Variants in PDZD2 observed in about 807,000 individuals in gnomAD.
PDZD2 encodes the protein PDZ domain containing 2.
Under a neutral mutation model 220.7 loss-of-function variants are expected in PDZD2, and 90 were observed. The ratio of observed to expected loss-of-function variants is 0.41; its 90% CI spans 0.34 to 0.49. PDZD2 has a LOEUF of 0.49. PDZD2 is among the 20% of genes least tolerant of loss of function. The pLI is 0.28. For missense variants in PDZD2, 3,174 were observed against 3,608.5 expected (o/e 0.88, Z 3.08); for synonymous variants, 1,375 against 1,450.5 (o/e 0.95, Z 1.18).
intron 1 of PDZD2, among the ~76,000 whole-genome samples, chr5:31,737,316 G>C (rs748978911): frequency 6.6e-6 from 1 of 151,786 alleles, no homozygotes; most frequent in Non-Finnish European, 1.5e-5. Flanking sequence ...GGGACTACAG[G>C]CGCCCACCAC....
intron 2 of PDZD2, among the ~76,000 whole-genome samples, chr5:31,946,892 T>C (rs972075774): frequency 5.3e-5 from 8 of 152,196 alleles, no homozygotes; most frequent in Non-Finnish European, 8.8e-5. Flanking sequence ...TGTAGAGACA[T>C]GGGTCTTAAC....
intron 2 of PDZD2, among the ~76,000 whole-genome samples, chr5:31,969,505 T>A (rs1355146406): frequency 1.1e-4 from 2 of 17,418 alleles, no homozygotes; most frequent in Non-Finnish European, 2.0e-4. Flanking sequence ...CAAGGCCCCC[T>A]CTCCAAAAAA....
intron 9 of PDZD2, among the ~76,000 whole-genome samples, chr5:32,053,316 A>G (rs1046842352): frequency 3.2e-4 from 49 of 152,260 alleles, no homozygotes; most frequent in African/African-American, 1.2e-3. Flanking sequence ...AGGAAATGAT[A>G]TGAATAACTT....
chr5:32,067,791 TAAC>T (rs1740346772), intron 14 of PDZD2, among the ~76,000 whole-genome samples: 1 of 152,116 alleles, frequency 6.6e-6, no homozygotes, highest in African/African-American at 2.4e-5. Flanking sequence ...CAGTTATGGA[TAAC>T]AACAGAAAAA....
intron 5 of PDZD2, among the ~76,000 whole-genome samples, chr5:32,009,526 G>A (rs1000647006): frequency 1.3e-5 from 2 of 151,020 alleles, no homozygotes; most frequent in Non-Finnish European, 3.0e-5. Context: ...CCAGGAGTTC[G>A]AGACCAGCCT....
chr5:32,047,779 A>G (rs1322920865), intron 7 of PDZD2, among the ~76,000 whole-genome samples: 1 of 152,238 alleles, frequency 6.6e-6, no homozygotes, highest in Non-Finnish European at 1.5e-5. Flanking sequence ...AGACAACGGA[A>G]TAGCCTACAG....
intron 2 of PDZD2, among the ~76,000 whole-genome samples, chr5:31,883,046 A>AAAAAAAAAAAAAAC (rs2150338682): frequency 6.6e-6 from 1 of 150,378 alleles, no homozygotes; most frequent in African/African-American, 2.4e-5. Flanking sequence ...AAAAAAAAAA[A>AAAAAAAAAAAAAAC]AAGGCCCAGG....
At chr5:31,654,115 T>C (rs2150108343) in intron 1 of PDZD2, among the ~76,000 whole-genome samples, 1 of 152,256 alleles carries the variant, frequency 6.6e-6, no homozygotes, top group East Asian at 1.9e-4. Context: ...GTCCAGAACA[T>C]GACCCCATAG....
chr5:31,738,547 G>C (rs1403266989), intron 1 of PDZD2: 2 of 152,178 alleles, frequency 1.3e-5, no homozygotes, highest in Admixed American at 6.5e-5. Flanking sequence ...ATTTCAAATG[G>C]AATGCTTCTC....
intron 1 of PDZD2, among the ~76,000 whole-genome samples, chr5:31,763,509 T>C (rs1751781418): frequency 6.6e-6 from 1 of 152,276 alleles, no homozygotes; most frequent in South Asian, 2.1e-4. Flanking sequence ...AGGAACCACT[T>C]TGGCAAATTC....
In PDZD2 at chr5:32,088,523, G is replaced by C; in HGVS notation, c.5075G>C (p.Cys1692Ser). The change falls in exon 20 of 25, where the codon TGT (cysteine) becomes TCT (serine). Residue 1692 changes from cysteine to serine, a missense_variant. Around this residue, in one of 4 missense-constraint regions of PDZD2, gnomAD observed 1,861 missense variants for 2,001.0 expected, o/e 0.93. Coordinates refer to ENST00000438447, the MANE Select transcript of PDZD2 (RefSeq NM_178140.4). This position sits in a 1 kb window ranked among gnomAD's most constrained non-coding sequence, Gnocchi z 4.6. ...ACTTCACAGAACCACAGGCCCTCGT[G>C]TGCAGAAGAAACCACAGAAGTCACC... ...ISTSQNHRPS[C>S]AEETTEVTSA... 1 of 1,614,130 alleles carries C rather than the reference G, an allele frequency of 6.2e-7. No individual in the cohort carries two copies. Among genetic ancestry groups the C allele is most frequent in the Non-Finnish European group, 8.5e-7 (1 of 1,180,012 alleles).
chr5:31,690,395 T>C (rs1747069805), intron 1 of PDZD2, among the ~76,000 whole-genome samples: 1 of 152,118 alleles, frequency 6.6e-6, no homozygotes, highest in South Asian at 2.1e-4. Context: ...ATGGTCAGGA[T>C]GGTGTCCTGG....
Position 32,074,133 on chromosome 5 carries a change from C to G in PDZD2, c.3027C>G (p.Ser1009=), listed in dbSNP as rs768189836. Reference sequence around the variant, plus strand: ...CGAGGCGTGTCTCAATTTCCTCTTCCAAGGGCATGGACGTCCACAACCAAG... The same window carrying G: ...CGAGGCGTGTCTCAATTTCCTCTTCGAAGGGCATGGACGTCCACAACCAAG... ...DDPRRVSISS[S]KGMDVHNQEE... Residue 1009 remains serine, a synonymous_variant, in exon 18 of 25, where the codon TCC becomes TCG. Coordinates refer to ENST00000438447, the MANE Select transcript of PDZD2 (RefSeq NM_178140.4). 1 of 1,614,212 alleles carries G rather than the reference C, an allele frequency of 6.2e-7. No homozygotes were observed. Among genetic ancestry groups the G allele is most frequent in the Non-Finnish European group, 8.5e-7 (1 of 1,180,040 alleles).
Position 31,799,163 on chromosome 5 carries a change from A to G in PDZD2, c.-86A>G, listed in dbSNP as rs1409279429. ...AACACAGGCAAAGCTGATGATGGCC[A>G]GGGACCCCAGGGGACGTGGGGCCCT... On this transcript the variant is annotated 5_prime_UTR_variant, in exon 2 of 25. Transcript: ENST00000438447. 1 of 826,850 alleles carries G rather than the reference A, an allele frequency of 1.2e-6. No individual in the cohort carries two copies. Among genetic ancestry groups the G allele is most frequent in the Non-Finnish European group, 1.9e-6 (1 of 524,178 alleles). The allele number at this position is 826,850 out of a possible 1,614,324, so 51.2% of individuals were successfully genotyped here.
rs1210515173 is a variant in PDZD2 at position 31,938,670 on chromosome 5, AAG to A, written c.477-44483_477-44482del. Among the ~76,000 whole-genome samples, 8 of 118,342 alleles carry A rather than the reference AAG, an allele frequency of 6.8e-5. No homozygotes were observed. In the South Asian group the frequency reaches 1.4e-3, roughly 21 times the overall value. 77.6% of individuals were successfully genotyped at this position (118,342 alleles called of 152,430 possible). A position where few individuals can be genotyped will look rare whatever the true frequency, so the allele number is the denominator to read the frequency against. On this transcript the variant is annotated intron_variant, in intron 2 of 24. Transcript: ENST00000438447. ...TGGTGTTGCCACTTTGGAAAAAAAAAAGATGTTTTTTGCAATTATAAAAAAAA... is the reference window on the plus strand; with the variant it reads ...TGGTGTTGCCACTTTGGAAAAAAAAAATGTTTTTTGCAATTATAAAAAAAA...
At chr5:31,835,593 G>A (rs1373258943) in intron 2 of PDZD2, among the ~76,000 whole-genome samples, 1 of 149,768 alleles carries the variant, frequency 6.7e-6, no homozygotes, top group Non-Finnish European at 1.5e-5. Context: ...CTCCAGCCTG[G>A]GCAACAATAG....
At chr5:31,815,398 G>C (rs1423905990) in intron 2 of PDZD2, among the ~76,000 whole-genome samples, 1 of 152,124 alleles carries the variant, frequency 6.6e-6, no homozygotes, top group African/African-American at 2.4e-5. Context: ...CCCCACAAGA[G>C]ACAGCTTTGC....
intron 1 of PDZD2, among the ~76,000 whole-genome samples, chr5:31,732,272 G>A (rs1026459844): frequency 2.0e-5 from 3 of 152,110 alleles, no homozygotes; most frequent in South Asian, 2.1e-4. Context: ...TGGAGAGGTG[G>A]GGTAAGAGTT....
chr5:32,062,393 A>ATTTTTTT (rs35709661), intron 14 of PDZD2, among the ~76,000 whole-genome samples: 2 of 141,266 alleles, frequency 1.4e-5, no homozygotes, highest in African/African-American at 5.3e-5. Flanking sequence ...TCAAGACTAA[A>ATTTTTTT]TTTTTTTTTT....
Sources: allele counts gnomAD v4.1 joint callset (sites outside exome capture counted in the v4.1 genomes callset), GRCh38; gene constraint gnomAD v4.1.1; regional missense constraint gnomAD v4.1.1; non-coding constraint Gnocchi (gnomAD v3.1); transcripts MANE v1.5; gene names NCBI Gene and HGNC (gene_info 2026-07-23, HGNC 2026-07-21).